Variants in ME1 observed in about 807,000 individuals in gnomAD.
The protein encoded by ME1 is malic enzyme 1.
In ME1, 74 loss-of-function variants were observed where a neutral mutation model predicts 66.4. The ratio of observed to expected loss-of-function variants is 1.11; its 90% confidence interval spans 0.92 to 1.35. The LOEUF is 1.35. ME1 is among the 40% of genes most tolerant of loss of function. ME1 has a pLI of 0.00. For missense variants in ME1, 750 were observed against 694.1 expected, an observed-to-expected ratio of 1.08 and a Z score of -0.90; for synonymous variants, 251 against 235.6, an observed-to-expected ratio of 1.07 and a Z score of -0.60.
intron 8 of ME1, 35 bp downstream of exon 8, chr6:83,239,504 T>A (rs1790472621): frequency 1.4e-6 from 2 of 1,406,182 alleles, no homozygotes. Context: ...TATATGTTAG[T>A]TTAGGAGAAC....
At chr6:83,268,959 T>A (rs1767038717) in intron 6 of ME1, among the ~76,000 whole-genome samples, 1 of 152,094 alleles carries the variant, frequency 6.6e-6, no homozygotes, top group African/African-American at 2.4e-5. Context: ...AAGGATTCAC[T>A]AAATATTAGT....
intron 6 of ME1, among the ~76,000 whole-genome samples, chr6:83,301,445 C>T (rs370946578): frequency 3.3e-5 from 5 of 152,100 alleles, no homozygotes; most frequent in Middle Eastern, 3.4e-3. Context: ...TGAGTTCAAG[C>T]GATTCTCCTG....
At chr6:83,228,688 T>C (rs1790243582) in intron 10 of ME1, 138 bp downstream of exon 10, 2 of 630,908 alleles carry the variant, frequency 3.2e-6, no homozygotes, top group Non-Finnish European at 5.6e-6. Flanking sequence ...TCTAGGTCTC[T>C]ACAGGGTACT....
intron 6 of ME1, among the ~76,000 whole-genome samples, chr6:83,297,855 T>G (rs1057482445): frequency 6.6e-6 from 1 of 152,210 alleles, no homozygotes; most frequent in Non-Finnish European, 1.5e-5. Context: ...GGATAATGGC[T>G]TCCAGCTTCA....
intron 1 of ME1, among the ~76,000 whole-genome samples, chr6:83,418,900 G>C (rs1014550344): frequency 2.3e-4 from 35 of 152,312 alleles, no homozygotes; most frequent in African/African-American, 8.2e-4. Flanking sequence ...CAATCTGAAG[G>C]ATGACTAGAA....
At chr6:83,372,068 C>T (rs1008556504) in intron 3 of ME1, among the ~76,000 whole-genome samples, 1 of 152,134 alleles carries the variant, frequency 6.6e-6, no homozygotes, top group Non-Finnish European at 1.5e-5. Flanking sequence ...ACCATTATGT[C>T]TATTGTATTC....
At position 83,397,240 on chromosome 6, in the gene ME1, T is replaced by C. The variant is rs141372964; in HGVS notation, c.362+1127A>G. On this transcript the variant is annotated intron_variant, in intron 3 of 13. Coordinates refer to ENST00000369705, the MANE Select transcript of ME1 (RefSeq NM_002395.6). ...TGTGAACCATACATCTCATAAGGGATTAATTCAAAATATATAAGGAACTCA... is the reference window on the plus strand; with the variant it reads ...TGTGAACCATACATCTCATAAGGGACTAATTCAAAATATATAAGGAACTCA... 4.7e-3 allele frequency among the ~76,000 whole-genome samples: 720 copies of C among 152,214 alleles called. 3 individuals are homozygous for C. The highest frequency in any genetic ancestry group is 0.016 in the African/African-American group (660 of 41,542).
chr6:83,251,817 T>C (rs1047409523), intron 7 of ME1, among the ~76,000 whole-genome samples: 2 of 152,138 alleles, frequency 1.3e-5, no homozygotes, highest in African/African-American at 4.8e-5. Flanking sequence ...GATTTTCATC[T>C]TTATCCTAAG....
In ME1 at chr6:83,295,934, C is replaced by G. The variant is rs1385471249; in HGVS notation, c.704+19376G>C. On this transcript the variant is annotated intron_variant, in intron 6 of 13. Transcript: ENST00000369705. ...AAAACTTTGAAGAGATGGATAAATT[C>G]CTGGACATATAAACTCTCCCAAGAC... Among the ~76,000 whole-genome samples, 11 of 152,146 alleles carry G rather than the reference C, an allele frequency of 7.2e-5. 1 individual carries two copies. The East Asian group carries it at 1.9e-3, about 27-fold the overall frequency.
At chr6:83,270,163 T>C (rs910819268) in intron 6 of ME1, among the ~76,000 whole-genome samples, 4 of 152,172 alleles carry the variant, frequency 2.6e-5, no homozygotes, top group Non-Finnish European at 4.4e-5. Context: ...GATATTACCA[T>C]ACTTCAGTTG....
chr6:83,230,106 G>A (rs1484960834), intron 9 of ME1, among the ~76,000 whole-genome samples: 3 of 151,010 alleles, frequency 2.0e-5, no homozygotes, highest in Admixed American at 6.6e-5. Flanking sequence ...GATTATAGGC[G>A]TGAGCCACCA....
intron 3 of ME1, among the ~76,000 whole-genome samples, chr6:83,370,423 T>A (rs536823672): frequency 1.3e-5 from 2 of 152,128 alleles, no homozygotes; most frequent in Non-Finnish European, 1.5e-5. Flanking sequence ...ATGGGACAGA[T>A]GACAATTGTT....
chr6:83,427,639 A>G lies in ME1; in HGVS notation c.78+3238T>C, dbSNP rs148083753. 5.9e-5 allele frequency among the ~76,000 whole-genome samples: 9 copies of G among 152,326 alleles called. No individual in the cohort carries two copies. In the East Asian group the frequency reaches 1.7e-3, roughly 29 times the overall value. On this transcript the variant is annotated intron_variant, in intron 1 of 13. Coordinates refer to ENST00000369705, the MANE Select transcript of ME1 (RefSeq NM_002395.6). ...TGGCTCATTCATTAAGTAAACATTT[A>G]TTTAATGTCTACTGAGCAAAATACT...
At chr6:83,354,126 C>G (rs143729335) in intron 3 of ME1, among the ~76,000 whole-genome samples, 1 of 152,152 alleles carries the variant, frequency 6.6e-6, no homozygotes, top group Non-Finnish European at 1.5e-5. Flanking sequence ...TAAGCACTCT[C>G]ATGGTTGGTT....
chr6:83,285,826 T>A (rs904872708), intron 6 of ME1, among the ~76,000 whole-genome samples: 2 of 152,218 alleles, frequency 1.3e-5, no homozygotes, highest in African/African-American at 4.8e-5. Context: ...TCAAACTGTT[T>A]TGTCTTTTTT....
At chr6:83,332,418 G>A (rs1768431737) in intron 5 of ME1, among the ~76,000 whole-genome samples, 1 of 152,128 alleles carries the variant, frequency 6.6e-6, no homozygotes, top group African/African-American at 2.4e-5. Flanking sequence ...TCCACCCAAA[G>A]GAAAAGAAGC....
intron 3 of ME1, among the ~76,000 whole-genome samples, chr6:83,356,471 T>C (rs1317324867): frequency 6.6e-6 from 1 of 152,164 alleles, no homozygotes; most frequent in Non-Finnish European, 1.5e-5. Context: ...GATGCAAATT[T>C]AGGATAGATA....
intron 1 of ME1, among the ~76,000 whole-genome samples, chr6:83,424,195 A>G (rs1333889969): frequency 1.3e-5 from 2 of 152,176 alleles, no homozygotes; most frequent in East Asian, 3.8e-4. Context: ...AATACATATA[A>G]CTACAACATA....
At chr6:83,214,526 C>G (rs1789955990) in intron 13 of ME1, among the ~76,000 whole-genome samples, 1 of 152,330 alleles carries the variant, frequency 6.6e-6, no homozygotes, top group African/African-American at 2.4e-5. Context: ...TAATTATTGA[C>G]ATGCTGCTCA....
Sources: gnomAD v4.1 joint callset for allele counts (sites outside exome capture counted in the v4.1 genomes callset) on GRCh38, gnomAD v4.1.1 for gene constraint, MANE v1.5 for transcripts, NCBI Gene and HGNC (gene_info 2026-07-23, HGNC 2026-07-21) for gene names.